NOL11: variants seen among roughly 807,000 people sequenced by gnomAD.
The protein encoded by NOL11 is nucleolar protein 11.
In NOL11, 42 loss-of-function variants were observed where a neutral mutation model predicts 93.0. That is an observed-to-expected ratio of 0.45 (90% CI 0.35 to 0.58). NOL11 has a LOEUF of 0.58. NOL11 is among the 20% of genes least tolerant of loss of function. The pLI is 0.00. For synonymous variants in NOL11, 296 were observed against 293.7 expected (o/e 1.01, Z -0.08); for missense variants, 775 against 841.8 (o/e 0.92, Z 0.98).
intron 15 of NOL11, 81 bp from the exon 16 acceptor site, chr17:67,739,435 T>C (rs1351648378): frequency 3.7e-6 from 3 of 805,094 alleles, no homozygotes; most frequent in Non-Finnish European, 5.9e-6. Flanking sequence ...TTGAACATTT[T>C]TTTCAATCTT....
Position 67,737,831 on chromosome 17 carries a change from G to C in NOL11, c.1404-16G>C, listed in dbSNP as rs2055216877. 1.9e-6 allele frequency: 3 copies of C among 1,603,490 alleles called. No homozygotes were observed. Among genetic ancestry groups the C allele is most frequent in the Non-Finnish European group, 2.5e-6 (3 of 1,177,250 alleles). The stretch of plus-strand genomic sequence containing the variant: ...TTTCTTAATATGTAATAGTGATTCA[G>C]ATTTTTTTGTCTTAGTTTGTGCCCC... On this transcript the variant is annotated splice_polypyrimidine_tract_variant and intron_variant, in intron 12 of 17. Transcript: ENST00000253247.
intron 7 of NOL11, among the ~76,000 whole-genome samples, chr17:67,732,812 A>C (rs2055166561): frequency 6.6e-6 from 1 of 151,296 alleles, no homozygotes. Context: ...GAGCTCAGGC[A>C]ATATGTCTGT....
chr17:67,730,669 C>T (rs2055146239), intron 7 of NOL11, among the ~76,000 whole-genome samples: 1 of 152,100 alleles, frequency 6.6e-6, no homozygotes, highest in South Asian at 2.1e-4. Flanking sequence ...GGGTACATAA[C>T]AGGTGTATGT....
chr17:67,724,524 G>A (rs1283377854), intron 6 of NOL11, among the ~76,000 whole-genome samples: 1 of 151,948 alleles, frequency 6.6e-6, no homozygotes, highest in African/African-American at 2.4e-5. Flanking sequence ...AGTAGAGACG[G>A]TTTCGCCATG....
At chr17:67,724,236 G>T (rs2055065839) in intron 6 of NOL11, 43 bp downstream of exon 6, 3 of 1,156,434 alleles carry the variant, frequency 2.6e-6, no homozygotes, top group South Asian at 1.4e-5. Flanking sequence ...ATAAATAGAG[G>T]ATTGTTATAG....
At chr17:67,720,613 A>G (rs1452962130) in intron 3 of NOL11, among the ~76,000 whole-genome samples, 1 of 152,180 alleles carries the variant, frequency 6.6e-6, no homozygotes, top group Non-Finnish European at 1.5e-5. Context: ...TGTATTGTAC[A>G]TTTTGAAGAG....
intron 1 of NOL11, 138 bp downstream of exon 1, chr17:67,718,226 G>A: frequency 1.7e-6 from 2 of 1,170,948 alleles, no homozygotes; most frequent in Non-Finnish European, 2.4e-6. Flanking sequence ...GCCTGTTGGG[G>A]ACGCTGAGTG....
At chr17:67,726,392 G>A in intron 6 of NOL11, 68 bp from the exon 7 acceptor site, 1 of 1,284,648 alleles carries the variant, frequency 7.8e-7, no homozygotes, top group African/African-American at 1.5e-5. Flanking sequence ...AAACAACCTA[G>A]TACATTTAAC....
Position 67,743,515 on chromosome 17 carries a change from TTTACTG to T in NOL11, c.1975_1980del (p.Thr659_Val660del). On this transcript the variant is annotated inframe_deletion, in exon 17 of 18. Transcript: ENST00000253247. ...GATATGTCTACTTCTGGATGCAAAT[TTTACTG>T]TTGTTGTAATGATGCCAGAAGCAAA... 2 of 1,596,662 alleles carry T rather than the reference TTTACTG, an allele frequency of 1.3e-6. No homozygotes were observed. The highest frequency in any genetic ancestry group is 1.7e-6 in the Non-Finnish European group (2 of 1,166,988).
chr17:67,731,679 G>A (rs1238474459), intron 7 of NOL11, among the ~76,000 whole-genome samples: 1 of 152,144 alleles, frequency 6.6e-6, no homozygotes, highest in Non-Finnish European at 1.5e-5. Flanking sequence ...TTACATTTAG[G>A]TTGTTGATTT....
intron 15 of NOL11, among the ~76,000 whole-genome samples, 178 bp from the exon 16 acceptor site, chr17:67,739,338 C>T (rs958957892): frequency 2.0e-5 from 3 of 152,184 alleles, no homozygotes; most frequent in Admixed American, 6.5e-5. Flanking sequence ...TACCCCCAAA[C>T]CAGATGAGCT....
intron 7 of NOL11, among the ~76,000 whole-genome samples, chr17:67,730,011 A>G (rs772549496): frequency 2.0e-5 from 3 of 152,116 alleles, no homozygotes; most frequent in Non-Finnish European, 2.9e-5. Flanking sequence ...TAGTGTTGGG[A>G]TTACAGACAA....
rs146667069 is a variant in NOL11 at position 67,718,453 on chromosome 17, G to A, written c.141+365G>A. ...TGGAACGGAGATTGGTTGGGCGGGAGAGGATGACACTGACAGAGTGGGAAT... is the reference window on the plus strand; with the variant it reads ...TGGAACGGAGATTGGTTGGGCGGGAAAGGATGACACTGACAGAGTGGGAAT... On this transcript the variant is annotated intron_variant, in intron 1 of 17. Coordinates refer to ENST00000253247, the MANE Select transcript of NOL11 (RefSeq NM_015462.5). Among the ~76,000 whole-genome samples the A allele has an allele frequency of 2.0e-3, 299 of 152,330 alleles. 6 individuals carry two copies. In the East Asian group the frequency reaches 0.02, roughly 10 times the overall value.
Position 67,737,578 on chromosome 17 carries a change from A to T in NOL11, c.1289A>T (p.His430Leu). 5 of 1,613,898 alleles carry T rather than the reference A, an allele frequency of 3.1e-6. No individual in the cohort carries two copies. The highest frequency in any genetic ancestry group is 4.2e-6 in the Non-Finnish European group (5 of 1,179,918). The change falls in exon 12 of 18, where the codon CAT becomes CTT. Residue 430 changes from histidine to leucine, a missense_variant. This residue lies in a region of NOL11 where 416 missense variants were observed against 525.2 expected (regional missense o/e 0.79). Coordinates refer to ENST00000253247, the MANE Select transcript of NOL11 (RefSeq NM_015462.5). ...FLALKQTPDF[H>L]TVIGDTVTGL... The stretch of plus-strand genomic sequence containing the variant: ...GCTCTGAAGCAGACACCTGACTTTC[A>T]TACTGTCATTGGGGACACAGTAACA...
chr17:67,733,343 C>T (rs1200398245), intron 7 of NOL11, among the ~76,000 whole-genome samples: 14 of 152,068 alleles, frequency 9.2e-5, no homozygotes, highest in African/African-American at 2.7e-4. Context: ...CCAGCCTGGG[C>T]GACAGAGTAA....
chr17:67,725,587 C>T (rs1452857320), intron 6 of NOL11, among the ~76,000 whole-genome samples: 1 of 152,084 alleles, frequency 6.6e-6, no homozygotes, highest in East Asian at 1.9e-4. Flanking sequence ...TTTTAAAAGG[C>T]TCCTATCATT....
At position 67,722,612 on chromosome 17, in the gene NOL11, C is replaced by T. The variant is rs2043226244; in HGVS notation, c.494C>T (p.Pro165Leu). The change falls in exon 5 of 18, where the codon CCT becomes CTT. Residue 165 changes from proline to leucine, a missense_variant. By Grantham distance (98) the Pro-to-Leu change is moderately conservative. This residue lies in a region of NOL11 where 359 missense variants were observed against 316.5 expected (regional missense o/e 1.13). Transcript: ENST00000253247. ...AAGTTTTTCGTAGTATTCAGACATC[C>T]TGTTTTAATTTTTATTACTGAAAAA... ...WTKFFVVFRHPVLIFITEKHG... is the reference protein window; with the variant it reads ...WTKFFVVFRHLVLIFITEKHG... 1 of 1,569,954 alleles carries T rather than the reference C, an allele frequency of 6.4e-7. No individual in the cohort carries two copies. The highest frequency in any genetic ancestry group is 8.6e-7 in the Non-Finnish European group (1 of 1,166,372).
At chr17:67,724,315 C>A in intron 6 of NOL11, 122 bp downstream of exon 6, 2 of 530,602 alleles carry the variant, frequency 3.8e-6, no homozygotes, top group Non-Finnish European at 6.4e-6. Context: ...TGCTTCTTTA[C>A]AGCGTTCATG....
chr17:67,721,552 T>C, intron 4 of NOL11, 26 bp downstream of exon 4: 1 of 1,587,306 alleles, frequency 6.3e-7, no homozygotes, highest in Non-Finnish European at 8.6e-7. Context: ...TGTAAGTAAA[T>C]TTATCAAAAT....
Sources: gnomAD v4.1 joint callset for allele counts (sites outside exome capture counted in the v4.1 genomes callset) on GRCh38, gnomAD v4.1.1 for gene constraint, gnomAD v4.1.1 regional missense constraint, MANE v1.5 for transcripts, NCBI Gene and HGNC (gene_info 2026-07-23, HGNC 2026-07-21) for gene names.